Variants in CPXM2 observed in about 807,000 individuals in gnomAD.
The protein encoded by CPXM2 is inactive carboxypeptidase-like protein X2.
Under a neutral mutation model 86.1 loss-of-function variants are expected in CPXM2, and 66 were observed. The observed-to-expected ratio is 0.77, with a 90% CI of 0.63 to 0.94. CPXM2 has a LOEUF of 0.94. Ranked by LOEUF, CPXM2 falls within the 40% of genes least tolerant of loss-of-function variation. The pLI is 0.00. For synonymous variants in CPXM2, 388 were observed against 400.2 expected, an observed-to-expected ratio of 0.97 and a Z score of 0.36; for missense variants, 948 against 1,026.3, an observed-to-expected ratio of 0.92 and a Z score of 1.04.
At chr10:123,869,675 C>T (rs1198747189) in intron 2 of CPXM2, among the ~76,000 whole-genome samples, 1 of 152,174 alleles carries the variant, frequency 6.6e-6, no homozygotes, top group Non-Finnish European at 1.5e-5. Context: ...TTCTACCCCA[C>T]CCCACGCACG....
intron 3 of CPXM2, among the ~76,000 whole-genome samples, chr10:123,859,816 G>T (rs1329448604): frequency 2.0e-5 from 3 of 152,340 alleles, no homozygotes; most frequent in Non-Finnish European, 4.4e-5. Context: ...TTGGCATTCT[G>T]CCTGGGGTGG....
chr10:123,885,266 G>C lies in CPXM2; in HGVS notation c.305-4957C>G, dbSNP rs1945162182. On this transcript the variant is annotated intron_variant, in intron 1 of 13. Transcript: ENST00000241305. This position sits in a 1 kb window ranked among gnomAD's most constrained non-coding sequence, Gnocchi z 4.0. ...AGCTGCCCCACTCCGGAGGCTGGGA[G>C]GCTAGAAGGCTGGGAGGCTGGGAGG... is the stretch of plus-strand genomic sequence containing the variant. Among the ~76,000 whole-genome samples the C allele has an allele frequency of 6.6e-6, 1 of 152,120 alleles. No individual in the cohort carries two copies. The highest frequency in any genetic ancestry group is 1.5e-5 in the Non-Finnish European group (1 of 68,002).
At chr10:123,891,840 G>A (rs547490799), upstream of CPXM2, 4 of 175,708 alleles carry the variant, frequency 2.3e-5, no homozygotes, top group South Asian at 7.5e-4. This position sits in a 1 kb window ranked among gnomAD's most constrained non-coding sequence, Gnocchi z 5.6. Context: ...GGGCTGGGCC[G>A]GGGCGGACAG....
intron 4 of CPXM2, among the ~76,000 whole-genome samples, chr10:123,837,990 C>A (rs2134146071): frequency 6.6e-6 from 1 of 152,262 alleles, no homozygotes; most frequent in African/African-American, 2.4e-5. Flanking sequence ...TCTAGTAGAC[C>A]CATGAAGGTA....
intron 2 of CPXM2, among the ~76,000 whole-genome samples, chr10:123,872,517 G>A (rs1449607476): frequency 6.6e-6 from 1 of 152,160 alleles, no homozygotes; most frequent in Non-Finnish European, 1.5e-5. Context: ...AGAAGCAGGA[G>A]TAATGGTTAC....
At chr10:123,770,285 C>T (rs572077175) in intron 8 of CPXM2, among the ~76,000 whole-genome samples, 4 of 152,156 alleles carry the variant, frequency 2.6e-5, no homozygotes, top group Admixed American at 6.5e-5. Flanking sequence ...AAAAAACAAA[C>T]AAACAAACAA....
At chr10:123,908,038 A>T (rs1945458440) in intron 2 of CPXM2, among the ~76,000 whole-genome samples, 1 of 152,084 alleles carries the variant, frequency 6.6e-6, no homozygotes, top group Non-Finnish European at 1.5e-5. Flanking sequence ...CAGGGGAGAG[A>T]TGTGACAAGG....
chr10:123,880,622 G>A (rs371445652), intron 1 of CPXM2, among the ~76,000 whole-genome samples: 223 of 152,070 alleles, frequency 1.5e-3, no homozygotes, highest in South Asian at 5.6e-3. Context: ...AAGGTCAGGA[G>A]ATCAAGACCA....
chr10:123,850,823 T>C (rs1014666027), intron 3 of CPXM2, among the ~76,000 whole-genome samples: 1 of 152,150 alleles, frequency 6.6e-6, no homozygotes, highest in Non-Finnish European at 1.5e-5. Context: ...GAAAAAGAAA[T>C]CCACGCTTAG....
chr10:123,778,815 C>G (rs1401620346), intron 7 of CPXM2, among the ~76,000 whole-genome samples: 1 of 152,128 alleles, frequency 6.6e-6, no homozygotes, highest in Non-Finnish European at 1.5e-5. Flanking sequence ...ATATAAATAC[C>G]CTCAAAATGT....
chr10:123,865,913 T>C lies in CPXM2; in HGVS notation c.404-3190A>G, dbSNP rs535594782. On this transcript the variant is annotated intron_variant, in intron 2 of 13. Coordinates refer to ENST00000241305, the MANE Select transcript of CPXM2 (RefSeq NM_198148.3). This position sits in a 1 kb window ranked among gnomAD's most constrained non-coding sequence, Gnocchi z 4.7. ...TTCATTCACAGTGGCCCTGGTCACTTTGTGGCCCTTTGGGACTCCTCAGCC... is the reference window on the plus strand; with the variant it reads ...TTCATTCACAGTGGCCCTGGTCACTCTGTGGCCCTTTGGGACTCCTCAGCC... 3.3e-5 allele frequency among the ~76,000 whole-genome samples: 5 copies of C among 152,248 alleles called. No individual in the cohort carries two copies. The highest frequency in any genetic ancestry group is 1.9e-4 in the East Asian group (1 of 5,158).
At chr10:123,826,673 G>A (rs995414820) in intron 4 of CPXM2, among the ~76,000 whole-genome samples, 3 of 151,922 alleles carry the variant, frequency 2.0e-5, no homozygotes, top group East Asian at 1.9e-4. Context: ...ACTATCAGAG[G>A]AAACACAGTC....
At chr10:123,904,883 A>T (rs1382385837) in intron 2 of CPXM2, among the ~76,000 whole-genome samples, 3 of 30,880 alleles carry the variant, frequency 9.7e-5, no homozygotes, top group Non-Finnish European at 1.3e-4. Context: ...CATCCCACCC[A>T]CCCACCTGGA....
At chr10:123,848,847 G>C (rs943930262) in intron 3 of CPXM2, among the ~76,000 whole-genome samples, 1 of 152,160 alleles carries the variant, frequency 6.6e-6, no homozygotes, top group African/African-American at 2.4e-5. Flanking sequence ...AGTTAGGTCA[G>C]TTGATCTATA....
chr10:123,875,811 T>C (rs75902314), intron 2 of CPXM2, among the ~76,000 whole-genome samples: 13 of 84,122 alleles, frequency 1.5e-4, no homozygotes, highest in Non-Finnish European at 2.4e-4. Context: ...TTCTTTCTTT[T>C]TTTTTTTTTT....
intron 2 of CPXM2, among the ~76,000 whole-genome samples, chr10:123,928,659 G>T (rs9731665): frequency 6.6e-6 from 1 of 152,176 alleles, no homozygotes; most frequent in Non-Finnish European, 1.5e-5. Context: ...GCAGCCACAC[G>T]GAGATGCTAT....
In CPXM2 at chr10:123,891,251, G is replaced by A; in HGVS notation, c.304+105C>T. On this transcript the variant is annotated intron_variant, in intron 1 of 13. Coordinates refer to ENST00000241305, the MANE Select transcript of CPXM2 (RefSeq NM_198148.3). The surrounding 1 kb of genome is among the most constrained non-coding windows in gnomAD (Gnocchi z 5.6). ...AGAGGCGGCAACAGGGAGATTCCCG[G>A]GACTGGCCCATCCCAGACACACACA... is the stretch of plus-strand genomic sequence containing the variant. 2 of 979,732 alleles carry A rather than the reference G, an allele frequency of 2.0e-6. No individual in the cohort carries two copies. Among genetic ancestry groups the A allele is most frequent in the Non-Finnish European group, 1.5e-6 (1 of 686,616 alleles). The allele number at this position is 979,732 out of a possible 1,614,324, so 60.7% of individuals were successfully genotyped here. A position where few individuals can be genotyped will look rare whatever the true frequency, so the allele number is the denominator to read the frequency against.
intron 3 of CPXM2, among the ~76,000 whole-genome samples, chr10:123,852,426 G>A (rs533502800): frequency 2.2e-4 from 33 of 151,944 alleles, no homozygotes; most frequent in Non-Finnish European, 4.6e-4. Flanking sequence ...CCTCCATCAC[G>A]CCTATCTTGG....
chr10:123,763,786 C>A (rs975703456), intron 10 of CPXM2, among the ~76,000 whole-genome samples: 1 of 152,062 alleles, frequency 6.6e-6, no homozygotes, highest in Non-Finnish European at 1.5e-5. Flanking sequence ...TTGCTTTGAA[C>A]TTTCTTTTAC....
Sources: allele counts gnomAD v4.1 joint callset (sites outside exome capture counted in the v4.1 genomes callset), GRCh38; gene constraint gnomAD v4.1.1; non-coding constraint Gnocchi (gnomAD v3.1); transcripts MANE v1.5; gene names NCBI Gene and HGNC (gene_info 2026-07-23, HGNC 2026-07-21).